OR1L8: variants seen among roughly 807,000 people sequenced by gnomAD.
The protein encoded by OR1L8 is olfactory receptor family 1 subfamily L member 8.
For synonymous variants in OR1L8, 148 were observed against 147.0 expected (o/e 1.01, Z -0.05); for missense variants, 330 against 377.4 (o/e 0.87, Z 1.04).
chr9:122,548,687 GC>G, the OR1L8 span, among the ~76,000 whole-genome samples: 1,186 of 151,744 alleles, frequency 7.8e-3, 8 homozygotes, highest in Non-Finnish European at 0.013. Context: ...TTGGTGTGCT[GC>G]ACCCATTAAC....
At chr9:122,561,512 A>T in the OR1L8 span, among the ~76,000 whole-genome samples, 1 of 151,802 alleles carries the variant, frequency 6.6e-6, no homozygotes, top group Non-Finnish European at 1.5e-5. Flanking sequence ...TGACCCTTGG[A>T]TGAGGTTTTT....
At chr9:122,554,087 T>C in the OR1L8 span, 1 of 1,613,614 alleles carries the variant, frequency 6.2e-7, no homozygotes, top group Non-Finnish European at 8.5e-7. Flanking sequence ...ACCCATTCAT[T>C]TATAGCTTGA....
At chr9:122,556,982 A>G in the OR1L8 span, among the ~76,000 whole-genome samples, 1 of 152,124 alleles carries the variant, frequency 6.6e-6, no homozygotes, top group Admixed American at 6.5e-5. Flanking sequence ...ATATCTAACA[A>G]ATTGGGGGCT....
At chr9:122,552,910 A>G in the OR1L8 span, among the ~76,000 whole-genome samples, 1 of 149,228 alleles carries the variant, frequency 6.7e-6, no homozygotes, top group Non-Finnish European at 1.5e-5. Context: ...CTTCCTCTAA[A>G]TAGCCCATGC....
chr9:122,576,554 C>A (rs1203741906), intron 3 of OR1L8, among the ~76,000 whole-genome samples: 1 of 152,096 alleles, frequency 6.6e-6, no homozygotes, highest in Admixed American at 6.6e-5. Context: ...TTTATATTCA[C>A]TCATTGTTGG....
chr9:122,551,989 A>G, the OR1L8 span, among the ~76,000 whole-genome samples: 1 of 123,596 alleles, frequency 8.1e-6, no homozygotes, highest in Middle Eastern at 4.0e-3. Context: ...GATGCCTAAA[A>G]CTGATCCATA....
chr9:122,571,273 C>T (rs73563786), intron 4 of OR1L8, among the ~76,000 whole-genome samples: 145 of 152,160 alleles, frequency 9.5e-4, no homozygotes, highest in African/African-American at 3.1e-3. Context: ...CCATGCATGC[C>T]GGGCGCGGTG....
At chr9:122,580,563 C>T (rs990127191) in intron 1 of OR1L8, among the ~76,000 whole-genome samples, 3 of 152,040 alleles carry the variant, frequency 2.0e-5, no homozygotes, top group South Asian at 2.1e-4. Context: ...TGCTGAAGAT[C>T]GTAACAATGC....
At chr9:122,578,241 G>C (rs1230154905) in intron 2 of OR1L8, 83 bp downstream of exon 2, 2 of 152,178 alleles carry the variant, frequency 1.3e-5, no homozygotes, top group Admixed American at 1.3e-4. Context: ...ATGAGGTCAG[G>C]AGTTTGAGAC....
downstream of OR1L8, among the ~76,000 whole-genome samples, chr9:122,563,496 T>C (rs982622467): frequency 1.3e-5 from 2 of 152,358 alleles, no homozygotes; most frequent in African/African-American, 4.8e-5. Context: ...GAGTTTCTTA[T>C]ATATTCCACA....
At chr9:122,566,095 A>C (rs1829422668), downstream of OR1L8, among the ~76,000 whole-genome samples, 2 of 152,222 alleles carry the variant, frequency 1.3e-5, no homozygotes, top group African/African-American at 4.8e-5. Flanking sequence ...CATTGGAATA[A>C]TATAGATGTA....
At chr9:122,551,606 A>G in the OR1L8 span, among the ~76,000 whole-genome samples, 1 of 152,172 alleles carries the variant, frequency 6.6e-6, no homozygotes, top group Non-Finnish European at 1.5e-5. Flanking sequence ...AGGCTGAAGT[A>G]CACTGCATTG....
the OR1L8 span, among the ~76,000 whole-genome samples, chr9:122,555,909 T>G: frequency 2.6e-5 from 4 of 152,194 alleles, no homozygotes; most frequent in Non-Finnish European, 1.5e-5. Flanking sequence ...TACATTGGAG[T>G]TCATTCTTGG....
At position 122,567,590 on chromosome 9, in the gene OR1L8, G is replaced by A. The variant is rs1450457555; in HGVS notation, c.888C>T (p.Asp296=). ...NPFIYSLRNK[D]LKQGLRKLMS... ...TAAGCTTCCTCAGGCCCTGTTTCAGGTCTTTGTTTCTCAGGCTGTAGATAA... is the reference window on the plus strand; with the variant it reads ...TAAGCTTCCTCAGGCCCTGTTTCAGATCTTTGTTTCTCAGGCTGTAGATAA... The change falls in exon 5 of 5, where the codon GAC becomes GAT. Residue 296 remains aspartate (D), a synonymous_variant. Coordinates refer to ENST00000641027, the MANE Select transcript of OR1L8 (RefSeq NM_001004454.2). 2 of 1,607,426 alleles carry A rather than the reference G, an allele frequency of 1.2e-6. No individual in the cohort carries two copies. The highest frequency in any genetic ancestry group is 4.5e-5 in the East Asian group (2 of 44,864).
chr9:122,555,925 T>C, the OR1L8 span, among the ~76,000 whole-genome samples: 1 of 152,224 alleles, frequency 6.6e-6, no homozygotes, highest in Admixed American at 6.5e-5. Context: ...CTTGGTGTTG[T>C]GCATTCTGTG....
chr9:122,563,812 G>C (rs1298579834), downstream of OR1L8, among the ~76,000 whole-genome samples: 1 of 152,184 alleles, frequency 6.6e-6, no homozygotes, highest in African/African-American at 2.4e-5. Context: ...TAGAGATCTA[G>C]TTATTCTTTT....
chr9:122,581,051 T>C (rs1262772987), intron 1 of OR1L8, among the ~76,000 whole-genome samples: 2 of 152,134 alleles, frequency 1.3e-5, no homozygotes, highest in African/African-American at 4.8e-5. Context: ...ATAATTATAA[T>C]GGTTTATATT....
At chr9:122,553,624 C>G in the OR1L8 span, 1 of 1,614,144 alleles carries the variant, frequency 6.2e-7, no homozygotes, top group South Asian at 1.1e-5. Context: ...TACAGCACAT[C>G]TATGAGTCCC....
In OR1L8 at chr9:122,567,661, C is replaced by A; in HGVS notation, c.817G>T (p.Val273Leu). 3 of 1,614,084 alleles carry A rather than the reference C, an allele frequency of 1.9e-6. No homozygotes were observed. In the South Asian group the frequency reaches 3.3e-5, roughly 18 times the overall value. The part of the protein sequence containing the change: ...PPSTYAVKDH[V>L]ATIVYTVLSS... ...AAAACTGTGTAAACAATTGTTGCCA[C>A]GTGGTCCTTGACAGCGTAGGTGGAT... The change falls in exon 5 of 5, where the codon GTG (valine) becomes TTG (leucine). Residue 273 changes from valine to leucine, a missense_variant. Val to Leu is a conservative substitution (Grantham distance 32). Coordinates refer to ENST00000641027, the MANE Select transcript of OR1L8 (RefSeq NM_001004454.2).
Sources: gnomAD v4.1 joint callset for allele counts (sites outside exome capture counted in the v4.1 genomes callset) on GRCh38, gnomAD v4.1.1 for gene constraint, MANE v1.5 for transcripts, NCBI Gene and HGNC (gene_info 2026-07-23, HGNC 2026-07-21) for gene names.